Variants in MLLT3 observed in about 807,000 individuals in gnomAD.
The protein encoded by MLLT3 is protein AF-9.
A neutral mutation model predicts 53.2 loss-of-function variants in MLLT3; 4 were observed. That is an observed-to-expected ratio of 0.08 (90% CI 0.04 to 0.17). The LOEUF (loss-of-function observed/expected upper bound fraction) is 0.17. Among genes scored for constraint, MLLT3 ranks in the 10% least tolerant of loss-of-function variants. The pLI is 1.00. For missense variants in MLLT3, 569 were observed against 684.0 expected, an observed-to-expected ratio of 0.83 and a Z score of 1.87; for synonymous variants, 283 against 230.6, an observed-to-expected ratio of 1.23 and a Z score of -2.06.
intron 4 of MLLT3, among the ~76,000 whole-genome samples, chr9:20,446,694 G>C (rs1823711274): frequency 6.6e-6 from 1 of 152,148 alleles, no homozygotes; most frequent in Non-Finnish European, 1.5e-5. Context: ...CCAGTTAGTT[G>C]ATTGTTAATG....
intron 2 of MLLT3, among the ~76,000 whole-genome samples, chr9:20,503,953 G>C (rs1825317437): frequency 6.6e-6 from 1 of 152,102 alleles, no homozygotes; most frequent in African/African-American, 2.4e-5. Flanking sequence ...ATGAAAAAAT[G>C]CCCAACATTA....
At chr9:20,619,099 T>G (rs145065173) in intron 2 of MLLT3, among the ~76,000 whole-genome samples, 85 of 152,282 alleles carry the variant, frequency 5.6e-4, no homozygotes, top group African/African-American at 2.0e-3. Context: ...AAGCAGCATA[T>G]CAACCTCATC....
chr9:20,410,085 A>AAAATCAAT (rs1822685256), intron 5 of MLLT3, among the ~76,000 whole-genome samples: 1 of 152,218 alleles, frequency 6.6e-6, no homozygotes, highest in Non-Finnish European at 1.5e-5. Context: ...TTGATCATGT[A>AAAATCAAT]GCAGAACCAT....
Position 20,342,039 on chromosome 9 carries a change from T to C in MLLT3, c.*4404A>G, listed in dbSNP as rs534894472. The C allele has an allele frequency of 1.1e-4, 24 of 209,208 alleles. No homozygotes were observed. The highest frequency in any genetic ancestry group is 1.9e-4 in the South Asian group (1 of 5,324). 13.0% of individuals were successfully genotyped at this position (209,208 alleles called of 1,614,324 possible). On this transcript the variant is annotated 3_prime_UTR_variant, in exon 11 of 11. Transcript: ENST00000380338. ...CTGCCTTCAGCTGGTTTTGGACACA[T>C]TGTCCTCTCTCTGGATGTCTCAGAT...
intron 2 of MLLT3, among the ~76,000 whole-genome samples, chr9:20,594,713 C>T (rs994286277): frequency 5.9e-5 from 9 of 152,140 alleles, no homozygotes; most frequent in African/African-American, 9.7e-5. Flanking sequence ...ACCAAGAAGG[C>T]GATGAAAGTG....
chr9:20,578,123 G>T (rs12379439), intron 2 of MLLT3, among the ~76,000 whole-genome samples: 64,769 of 151,952 alleles, frequency 0.43, 14,249 homozygotes, highest in Middle Eastern at 0.5. Context: ...ATTATTAGTG[G>T]CTGGCATGAT....
At chr9:20,387,672 T>C (rs1443051025) in intron 5 of MLLT3, among the ~76,000 whole-genome samples, 3 of 152,332 alleles carry the variant, frequency 2.0e-5, no homozygotes, top group African/African-American at 7.2e-5. Context: ...GCCAATTATA[T>C]TGTTGAATGT....
intron 2 of MLLT3, among the ~76,000 whole-genome samples, chr9:20,570,157 C>A (rs1819493904): frequency 6.6e-6 from 1 of 152,118 alleles, no homozygotes; most frequent in Non-Finnish European, 1.5e-5. Flanking sequence ...ACTTAAAATT[C>A]TAGACCTTGG....
At chr9:20,529,386 G>T (rs1199178786) in intron 2 of MLLT3, among the ~76,000 whole-genome samples, 1 of 152,142 alleles carries the variant, frequency 6.6e-6, no homozygotes, top group Non-Finnish European at 1.5e-5. Context: ...AACTTAATTT[G>T]AAAATATGTT....
At chr9:20,455,267 T>C (rs572192871) in intron 3 of MLLT3, among the ~76,000 whole-genome samples, 2 of 152,178 alleles carry the variant, frequency 1.3e-5, no homozygotes, top group Admixed American at 6.5e-5. Context: ...GCACAGAAAT[T>C]AGGAGCATAG....
chr9:20,372,636 C>T (rs1220281339), intron 5 of MLLT3, among the ~76,000 whole-genome samples: 1 of 138,324 alleles, frequency 7.2e-6, no homozygotes, highest in Non-Finnish European at 1.5e-5. Flanking sequence ...TCTCGATCTC[C>T]TGACCTCGTG....
At chr9:20,366,141 C>A (rs1821444896) in intron 5 of MLLT3, among the ~76,000 whole-genome samples, 2 of 152,120 alleles carry the variant, frequency 1.3e-5, no homozygotes, top group South Asian at 4.2e-4. Context: ...CGGTGGTTTA[C>A]TGCACCCATC....
intron 5 of MLLT3, among the ~76,000 whole-genome samples, chr9:20,399,518 T>C (rs1822402861): frequency 6.6e-6 from 1 of 152,068 alleles, no homozygotes; most frequent in African/African-American, 2.4e-5. Flanking sequence ...ACTGTATACA[T>C]GGTAGATGCA....
At chr9:20,350,759 G>A (rs1285092073) in intron 10 of MLLT3, among the ~76,000 whole-genome samples, 4 of 152,132 alleles carry the variant, frequency 2.6e-5, no homozygotes, top group Non-Finnish European at 5.9e-5. Flanking sequence ...TACGCAGGCT[G>A]TTGGATGTCT....
At chr9:20,353,908 T>C (rs1455228165) in intron 9 of MLLT3, among the ~76,000 whole-genome samples, 3 of 152,204 alleles carry the variant, frequency 2.0e-5, no homozygotes, top group Admixed American at 6.5e-5. Context: ...GGTAGGGAAA[T>C]TAAATGCTAA....
intron 2 of MLLT3, among the ~76,000 whole-genome samples, chr9:20,609,319 T>C (rs967864442): frequency 6.6e-6 from 1 of 152,132 alleles, no homozygotes; most frequent in South Asian, 2.1e-4. Flanking sequence ...AATTATTAAA[T>C]AGAAAACCCT....
rs557477168 is a variant in MLLT3, at chr9:20,570,820, A to C, written c.193+49834T>G. Among the ~76,000 whole-genome samples the C allele has an allele frequency of 8.7e-5, 13 of 148,648 alleles. 1 individual carries two copies. The East Asian group carries it at 1.5e-3, about 18-fold the overall frequency. ...TCTGGATTAAGTCCCAACAAATTCC[A>C]TATTTTCTTACTTTTTTTGACTCTA... is the stretch of plus-strand genomic sequence containing the variant. On this transcript the variant is annotated intron_variant, in intron 2 of 10. Transcript: ENST00000380338.
intron 5 of MLLT3, chr9:20,382,248 C>T (rs1172533106): frequency 6.6e-6 from 1 of 151,788 alleles, no homozygotes; most frequent in Non-Finnish European, 1.5e-5. Context: ...TCCCTCTCAC[C>T]CCATTTTTCA....
Position 20,620,522 on chromosome 9 carries a change from G to T in MLLT3, c.193+132C>A. 1 of 631,030 alleles carries T rather than the reference G, an allele frequency of 1.6e-6. No homozygotes were observed. Among genetic ancestry groups the T allele is most frequent in the Non-Finnish European group, 2.2e-6 (1 of 458,914 alleles). 39.1% of individuals were successfully genotyped at this position (631,030 alleles called of 1,614,324 possible). On this transcript the variant is annotated intron_variant, in intron 2 of 10. Coordinates refer to ENST00000380338, the MANE Select transcript of MLLT3 (RefSeq NM_004529.4). This position sits in a 1 kb window ranked among gnomAD's most constrained non-coding sequence, Gnocchi z 6.1. ...GCCGGGACCTGGCCCGCGCGGCGCC[G>T]CGCACCCGGATCCCGAGGCTACGCC...
Sources: gnomAD v4.1 joint callset for allele counts (sites outside exome capture counted in the v4.1 genomes callset) on GRCh38, gnomAD v4.1.1 for gene constraint, Gnocchi (gnomAD v3.1) non-coding constraint, MANE v1.5 for transcripts, NCBI Gene and HGNC (gene_info 2026-07-23, HGNC 2026-07-21) for gene names.